The following CACNA1C variants were observed in gnomAD, a reference collection of about 807,000 sequenced individuals.
The protein encoded by CACNA1C is calcium voltage-gated channel subunit alpha1 C.
CACNA1C carries 30 observed loss-of-function variants against 229.0 expected under a neutral mutation model. That is an observed-to-expected ratio of 0.13 (90% CI 0.10 to 0.18). The LOEUF (loss-of-function observed/expected upper bound fraction) is 0.18. Ranked by LOEUF, CACNA1C falls within the 10% of genes least tolerant of loss-of-function variation. The pLI is 1.00. For synonymous variants in CACNA1C, 1,114 were observed against 1,132.5 expected (o/e 0.98, Z 0.33); for missense variants, 1,658 against 2,845.0 (o/e 0.58, Z 9.49).
rs1001811151 is a variant in CACNA1C, at chr12:2,649,016, A to G, written c.3945+509A>G. Among the ~76,000 whole-genome samples, 2 of 152,062 alleles carry G rather than the reference A, an allele frequency of 1.3e-5. No homozygotes were observed. Among genetic ancestry groups the G allele is most frequent in the African/African-American group, 2.4e-5 (1 of 41,386 alleles). On this transcript the variant is annotated intron_variant, in intron 31 of 46. Coordinates refer to ENST00000399655, the MANE Select transcript of CACNA1C (RefSeq NM_000719.7). This position sits in a 1 kb window ranked among gnomAD's most constrained non-coding sequence, Gnocchi z 4.4. ...TGCTTCAAGTGAAAGGCCACCATAA[A>G]AGGTTTCAGCTGGGATTTGTTACTG... is the stretch of plus-strand genomic sequence containing the variant.
In CACNA1C at chr12:2,467,078, G is replaced by A. The variant is rs1022758042; in HGVS notation, c.757+9372G>A. ...GGCATGTGCAGGGGGCCACCCCTGAGGCCGTCCCTCATTCTCCTTCACACA... is the reference window on the plus strand; with the variant it reads ...GGCATGTGCAGGGGGCCACCCCTGAAGCCGTCCCTCATTCTCCTTCACACA... On this transcript the variant is annotated intron_variant, in intron 5 of 46. Transcript: ENST00000399655. The surrounding 1 kb of genome is among the most constrained non-coding windows in gnomAD (Gnocchi z 4.6). Among the ~76,000 whole-genome samples, 5 of 152,180 alleles carry A rather than the reference G, an allele frequency of 3.3e-5. No individual in the cohort carries two copies. Among genetic ancestry groups the A allele is most frequent in the South Asian group, 2.1e-4 (1 of 4,830 alleles).
chr12:2,451,661 C>A (rs1029920747), intron 4 of CACNA1C, among the ~76,000 whole-genome samples: 3 of 152,176 alleles, frequency 2.0e-5, no homozygotes, highest in Non-Finnish European at 2.9e-5. Flanking sequence ...GCCTCACCTG[C>A]GGTCTGTCTG....
intron 1 of CACNA1C, chr12:1,991,043 T>C: frequency 2.2e-6 from 1 of 451,902 alleles, no homozygotes; most frequent in Admixed American, 2.4e-5. Context: ...TCCCTTTCAC[T>C]CTTTGTTGTT....
intron 11 of CACNA1C, among the ~76,000 whole-genome samples, chr12:2,563,312 A>G (rs1276580999): frequency 1.3e-5 from 2 of 152,164 alleles, no homozygotes; most frequent in Non-Finnish European, 2.9e-5. Flanking sequence ...TATCTTGGCT[A>G]TTGTAAATAG....
At chr12:2,090,007 T>C (rs150149684) in intron 1 of CACNA1C, among the ~76,000 whole-genome samples, 2,247 of 152,044 alleles carry the variant, frequency 0.015, 48 homozygotes, top group African/African-American at 0.048. Context: ...CCAGCCTGGG[T>C]GACAGTGTGA....
chr12:2,043,176 G>C (rs1381566071), intron 1 of CACNA1C, among the ~76,000 whole-genome samples: 2 of 152,210 alleles, frequency 1.3e-5, no homozygotes, highest in Non-Finnish European at 1.5e-5. Context: ...ATATTATGCT[G>C]ATTGGAACAG....
chr12:2,492,178 A>G (rs2099736824), intron 6 of CACNA1C, among the ~76,000 whole-genome samples: 1 of 152,202 alleles, frequency 6.6e-6, no homozygotes, highest in Admixed American at 6.5e-5. Flanking sequence ...GTGTTTTCCC[A>G]TAATGGAAAT....
At chr12:2,137,160 G>T (rs1425271220) in intron 3 of CACNA1C, among the ~76,000 whole-genome samples, 1 of 151,324 alleles carries the variant, frequency 6.6e-6, no homozygotes, top group Admixed American at 6.6e-5. Flanking sequence ...TGGAAACATC[G>T]AAGAGCTACG....
intron 3 of CACNA1C, among the ~76,000 whole-genome samples, chr12:2,237,949 G>A (rs1446677434): frequency 6.6e-6 from 1 of 152,196 alleles, no homozygotes; most frequent in Non-Finnish European, 1.5e-5. Flanking sequence ...GTGGTATCAA[G>A]GCGACAATGA....
chr12:2,330,642 A>C (rs926616148), intron 3 of CACNA1C, among the ~76,000 whole-genome samples: 2 of 152,204 alleles, frequency 1.3e-5, no homozygotes, highest in African/African-American at 2.4e-5. Context: ...AGGAGAGAAA[A>C]ACAGTTTTAC....
At chr12:2,599,187 C>A (rs558922461) in intron 21 of CACNA1C, among the ~76,000 whole-genome samples, 1 of 152,180 alleles carries the variant, frequency 6.6e-6, no homozygotes, top group Non-Finnish European at 1.5e-5. Flanking sequence ...ATTGTCATGG[C>A]AAGGTCCTTC....
chr12:2,285,506 C>T lies in CACNA1C; in HGVS notation c.478-163470C>T, dbSNP rs2092501388. Among the ~76,000 whole-genome samples, 1 of 152,160 alleles carries T rather than the reference C, an allele frequency of 6.6e-6. No individual in the cohort carries two copies. The highest frequency in any genetic ancestry group is 1.5e-5 in the Non-Finnish European group (1 of 68,036). ...CCCATAGCCTGTGCCGGCTACAACT[C>T]AGGAGCTTTTGGAACTTAGGAGCTC... On this transcript the variant is annotated intron_variant, in intron 3 of 46. Transcript: ENST00000399655. The surrounding 1 kb of genome is among the most constrained non-coding windows in gnomAD (Gnocchi z 4.2).
chr12:2,680,136 A>G (rs1457633323), intron 42 of CACNA1C, among the ~76,000 whole-genome samples: 1 of 152,014 alleles, frequency 6.6e-6, no homozygotes, highest in East Asian at 1.9e-4. Context: ...CCCTTCCCCG[A>G]GTCTCTGCCC....
At chr12:2,258,042 A>G (rs2154398711) in intron 3 of CACNA1C, among the ~76,000 whole-genome samples, 1 of 152,394 alleles carries the variant, frequency 6.6e-6, no homozygotes, top group East Asian at 1.9e-4. Flanking sequence ...GCCAAAGGAA[A>G]GAGAAGAGGG....
intron 37 of CACNA1C, chr12:2,668,661 A>AGAG (rs1045349696): frequency 1.5e-5 from 6 of 391,154 alleles, no homozygotes; most frequent in African/African-American, 1.2e-4. Flanking sequence ...ACAGGGAGCA[A>AGAG]GAGAGAAGGG....
At chr12:2,640,229 T>G (rs1050669500) in intron 30 of CACNA1C, among the ~76,000 whole-genome samples, 2 of 152,294 alleles carry the variant, frequency 1.3e-5, no homozygotes, top group Admixed American at 6.5e-5. Context: ...AAATCTTGGA[T>G]TCAAACTCAT....
chr12:2,549,573 C>T (rs1369290256), intron 9 of CACNA1C, among the ~76,000 whole-genome samples: 6 of 152,148 alleles, frequency 3.9e-5, no homozygotes, highest in Non-Finnish European at 7.4e-5. Flanking sequence ...CATGAAAGCT[C>T]CTCTTTCTGT....
chr12:2,634,554 A>G (rs1038384524), intron 30 of CACNA1C, among the ~76,000 whole-genome samples, 174 bp downstream of exon 30: 3 of 129,778 alleles, frequency 2.3e-5, no homozygotes, highest in African/African-American at 9.1e-5. Context: ...TTATTTTGAA[A>G]TCTTTTTTTT....
intron 11 of CACNA1C, 62 bp downstream of exon 11, chr12:2,557,039 G>A (rs980026090): frequency 6.3e-6 from 9 of 1,418,546 alleles, no homozygotes; most frequent in Admixed American, 1.7e-5. Flanking sequence ...CAGCCACCCT[G>A]TTGGGTGGCC....
Sources: gnomAD v4.1 joint callset for allele counts (sites outside exome capture counted in the v4.1 genomes callset) on GRCh38, gnomAD v4.1.1 for gene constraint, Gnocchi (gnomAD v3.1) non-coding constraint, MANE v1.5 for transcripts, NCBI Gene and HGNC (gene_info 2026-07-23, HGNC 2026-07-21) for gene names.